SH3BP4: variants seen among roughly 807,000 people sequenced by gnomAD.
SH3BP4 encodes SH3 domain binding protein 4, also known as SH3 domain-binding protein 4.
SH3BP4 carries 33 observed loss-of-function variants against 65.5 expected under a neutral mutation model. The ratio of observed to expected loss-of-function variants is 0.50; its 90% CI spans 0.38 to 0.67. The LOEUF (loss-of-function observed/expected upper bound fraction) is 0.67, where lower values mean the gene tolerates loss of function less well. Among genes scored for constraint, SH3BP4 ranks in the 30% least tolerant of loss-of-function variants. The probability of loss-of-function intolerance (pLI) is 0.00; values close to 1 mark genes in which losing one functional copy is unlikely to be tolerated. For synonymous variants in SH3BP4, 552 were observed against 545.5 expected, an observed-to-expected ratio of 1.01 and a Z score of -0.17; for missense variants, 1,134 against 1,261.4, an observed-to-expected ratio of 0.90 and a Z score of 1.53.
chr2:234,953,890 C>G (rs990662364), intron 1 of SH3BP4, among the ~76,000 whole-genome samples: 1 of 151,844 alleles, frequency 6.6e-6, no homozygotes, highest in African/African-American at 2.4e-5. Flanking sequence ...GCAGCGCTCT[C>G]CAATCCCCCT....
rs1303864596 is a variant in SH3BP4, at chr2:234,970,115, ACT to A, written c.-207+17949_-207+17950del. ...CTCACAAATACACTCACTCACACAC[ACT>A]CTCACACTCTTACACACACACTCTC... On this transcript the variant is annotated intron_variant, in intron 1 of 5. Transcript: ENST00000392011. Among the ~76,000 whole-genome samples the A allele has an allele frequency of 9.3e-5, 14 of 150,152 alleles. No homozygotes were observed. The East Asian group carries it at 1.2e-3, about 13-fold the overall frequency.
intron 2 of SH3BP4, among the ~76,000 whole-genome samples, chr2:235,021,978 G>A (rs867029367): frequency 1.1e-4 from 16 of 152,120 alleles, no homozygotes; most frequent in Admixed American, 2.0e-4. Flanking sequence ...TAAATTCTTT[G>A]TACATTAATG....
intron 2 of SH3BP4, among the ~76,000 whole-genome samples, chr2:235,010,058 G>T (rs1026432653): frequency 6.6e-6 from 1 of 151,022 alleles, no homozygotes; most frequent in Admixed American, 6.7e-5. Context: ...TCTACCCTTC[G>T]TCCCATCCCC....
In SH3BP4 at chr2:235,034,966, AAGCCTT is replaced by A; in HGVS notation, c.-33_-28del. On this transcript the variant is annotated 5_prime_UTR_variant, in exon 3 of 6. The change abolishes the stop of an existing upstream ORF in the 5' untranslated region. Coordinates refer to ENST00000392011, the MANE Select transcript of SH3BP4 (RefSeq NM_014521.3). This position sits in a 1 kb window ranked among gnomAD's most constrained non-coding sequence, Gnocchi z 6.2. ...TGGGATAACTGGAGGAAGAAATATG[AAGCCTT>A]AGCGGCTTTACCCGGGAAGCGAGTT... The A allele has an allele frequency of 6.4e-7, 1 of 1,554,368 alleles. No individual in the cohort carries two copies. Among genetic ancestry groups the A allele is most frequent in the Non-Finnish European group, 8.9e-7 (1 of 1,127,624 alleles).
chr2:235,028,562 G>GTTCA (rs1695076364), intron 2 of SH3BP4, among the ~76,000 whole-genome samples: 1 of 152,144 alleles, frequency 6.6e-6, no homozygotes, highest in Admixed American at 6.5e-5. Flanking sequence ...AACCGAATTC[G>GTTCA]TTCATTCATT....
At position 234,970,957 on chromosome 2, in the gene SH3BP4, A is replaced by G. The variant is rs534306643; in HGVS notation, c.-207+18787A>G. The stretch of plus-strand genomic sequence containing the variant: ...AGTTACCGGACACAAATTTCTTCAG[A>G]GACTACATGAAGACAACAAAATAGG... On this transcript the variant is annotated intron_variant, in intron 1 of 5. Transcript: ENST00000392011. 1.4e-3 allele frequency among the ~76,000 whole-genome samples: 220 copies of G among 152,282 alleles called. 1 individual carries two copies. Among genetic ancestry groups the G allele is most frequent in the African/African-American group, 5.1e-3 (211 of 41,542 alleles).
At chr2:235,047,989 G>A (rs1695925041) in intron 4 of SH3BP4, among the ~76,000 whole-genome samples, 1 of 152,176 alleles carries the variant, frequency 6.6e-6, no homozygotes. Flanking sequence ...CAGAAATAAG[G>A]AAGCTAGCAA....
At chr2:235,006,356 G>T (rs995474831) in intron 2 of SH3BP4, among the ~76,000 whole-genome samples, 1 of 152,176 alleles carries the variant, frequency 6.6e-6, no homozygotes, top group South Asian at 2.1e-4. Context: ...TCATGGGTTT[G>T]GTCAAGAGTG....
chr2:235,008,120 G>A (rs1273884031), intron 2 of SH3BP4, among the ~76,000 whole-genome samples: 1 of 152,190 alleles, frequency 6.6e-6, no homozygotes, highest in Admixed American at 6.5e-5. Flanking sequence ...CAGACTGGGT[G>A]GGAACAGTGT....
chr2:234,956,410 G>C (rs187938004), intron 1 of SH3BP4, among the ~76,000 whole-genome samples: 1 of 152,134 alleles, frequency 6.6e-6, no homozygotes, highest in Non-Finnish European at 1.5e-5. Context: ...TCTTATCTGC[G>C]CAATAAAAGC....
At chr2:234,972,061 C>T (rs1299626492) in intron 1 of SH3BP4, among the ~76,000 whole-genome samples, 7 of 151,646 alleles carry the variant, frequency 4.6e-5, no homozygotes, top group Admixed American at 2.6e-4. Context: ...ATGATCCACC[C>T]GTCTCAGCCT....
chr2:234,955,096 C>T (rs1692556460), intron 1 of SH3BP4, among the ~76,000 whole-genome samples: 1 of 152,212 alleles, frequency 6.6e-6, no homozygotes, highest in Non-Finnish European at 1.5e-5. Flanking sequence ...ACTCAGGCCC[C>T]TGGGACATTT....
chr2:235,034,782 A>G lies in SH3BP4; in HGVS notation c.-132-89A>G. On this transcript the variant is annotated intron_variant, in intron 2 of 5. Coordinates refer to ENST00000392011, the MANE Select transcript of SH3BP4 (RefSeq NM_014521.3). The surrounding 1 kb of genome is among the most constrained non-coding windows in gnomAD (Gnocchi z 6.2). The stretch of plus-strand genomic sequence containing the variant: ...TCTGTCCTCATTAGAACAGCCTGGA[A>G]GAAAGAGGATTCCCACTTCCCATAA... 1.8e-6 allele frequency: 1 copy of G among 545,562 alleles called. No individual in the cohort carries two copies. Among genetic ancestry groups the G allele is most frequent in the Non-Finnish European group, 3.3e-6 (1 of 303,864 alleles). 33.8% of individuals were successfully genotyped at this position (545,562 alleles called of 1,614,324 possible).
intron 2 of SH3BP4, among the ~76,000 whole-genome samples, chr2:235,014,385 G>A (rs555687004): frequency 2.6e-5 from 4 of 152,172 alleles, no homozygotes; most frequent in Non-Finnish European, 1.5e-5. Flanking sequence ...TGTTGGAGGC[G>A]CTGGGGAAGA....
chr2:235,048,796 C>A (rs1223635966), intron 4 of SH3BP4, among the ~76,000 whole-genome samples: 2 of 152,224 alleles, frequency 1.3e-5, no homozygotes, highest in East Asian at 3.8e-4. Flanking sequence ...TACTATCTGT[C>A]CCTTTATAAA....
Position 235,041,534 on chromosome 2 carries a change from C to G in SH3BP4, c.765C>G (p.Ala255=), listed in dbSNP as rs1695645236. Residue 255 remains alanine (A), a synonymous_variant, in exon 4 of 6, where the codon GCC becomes GCG. Transcript: ENST00000392011. This position sits in a 1 kb window ranked among gnomAD's most constrained non-coding sequence, Gnocchi z 6.0. ...TCTCGGAACTCTCCGTCCTCCAAGC[C>G]AAGTCCGATGCTCCCACATCGTCGA... ...YSLSELSVLQ[A]KSDAPTSSSF... is the part of the protein sequence containing the mutation. 1 of 1,614,166 alleles carries G rather than the reference C, an allele frequency of 6.2e-7. No individual in the cohort carries two copies. Among genetic ancestry groups the G allele is most frequent in the Non-Finnish European group, 8.5e-7 (1 of 1,180,046 alleles).
chr2:235,049,326 G>A (rs62186389), intron 4 of SH3BP4, among the ~76,000 whole-genome samples: 4 of 152,188 alleles, frequency 2.6e-5, no homozygotes, highest in African/African-American at 4.8e-5. Context: ...GGAATGACTC[G>A]AGTCAGAAGC....
intron 2 of SH3BP4, among the ~76,000 whole-genome samples, chr2:235,011,534 C>T (rs1694505012): frequency 6.6e-6 from 1 of 152,194 alleles, no homozygotes; most frequent in Non-Finnish European, 1.5e-5. Flanking sequence ...CTCAGTTCCA[C>T]CCATAACAGT....
chr2:235,007,396 C>T (rs1000245581), intron 2 of SH3BP4, among the ~76,000 whole-genome samples: 20 of 152,146 alleles, frequency 1.3e-4, no homozygotes, highest in African/African-American at 4.6e-4. Context: ...CTCTCCCAGC[C>T]CCCCAGGGAC....
Sources: allele counts gnomAD v4.1 joint callset (sites outside exome capture counted in the v4.1 genomes callset), GRCh38; gene constraint gnomAD v4.1.1; non-coding constraint Gnocchi (gnomAD v3.1); transcripts MANE v1.5; gene names NCBI Gene and HGNC (gene_info 2026-07-23, HGNC 2026-07-21).